Variants in GALNT13 observed in about 807,000 individuals in gnomAD.
The protein encoded by GALNT13 is UDP-GalNAc:polypeptide N-acetylgalactosaminyltransferase 13.
GALNT13 carries 28 observed loss-of-function variants against 64.2 expected under a neutral mutation model. That is an observed-to-expected ratio of 0.44 (90% confidence interval 0.32 to 0.60). The LOEUF (loss-of-function observed/expected upper bound fraction) is 0.60. Ranked by LOEUF, GALNT13 falls within the 20% of genes least tolerant of loss-of-function variation. GALNT13 has a pLI of 0.05. For missense variants in GALNT13, 577 were observed against 669.8 expected (o/e 0.86, Z 1.53); for synonymous variants, 214 against 224.6 (o/e 0.95, Z 0.42).
chr2:154,408,312 C>A (rs1212006031), intron 10 of GALNT13, among the ~76,000 whole-genome samples: 1 of 151,972 alleles, frequency 6.6e-6, no homozygotes, highest in African/African-American at 2.4e-5. Context: ...TGAATGTAAA[C>A]CAAGAACTTT....
chr2:153,107,253 A>C, the GALNT13 span, among the ~76,000 whole-genome samples: 1 of 152,130 alleles, frequency 6.6e-6, no homozygotes, highest in Non-Finnish European at 1.5e-5. Context: ...GGGCTAAGAC[A>C]ATGTCCAGTT....
intron 8 of GALNT13, among the ~76,000 whole-genome samples, chr2:154,276,958 C>T (rs969313007): frequency 7.9e-5 from 12 of 152,176 alleles, no homozygotes; most frequent in African/African-American, 2.4e-4. Flanking sequence ...CCATGCTGAA[C>T]TGTGAGTCAA....
intron 9 of GALNT13, among the ~76,000 whole-genome samples, chr2:154,328,776 A>C (rs1695012018): frequency 6.6e-6 from 1 of 152,070 alleles, no homozygotes; most frequent in Admixed American, 6.6e-5. Context: ...TTGCTCCAAC[A>C]TTTTCTCCCA....
At chr2:154,066,053 A>C (rs1483881583) in intron 3 of GALNT13, among the ~76,000 whole-genome samples, 1 of 152,226 alleles carries the variant, frequency 6.6e-6, no homozygotes, top group East Asian at 1.9e-4. Flanking sequence ...AGAATCAAGT[A>C]TAAAATCTGG....
At chr2:153,792,460 T>A in the GALNT13 span, among the ~76,000 whole-genome samples, 1 of 152,220 alleles carries the variant, frequency 6.6e-6, no homozygotes, top group African/African-American at 2.4e-5. Context: ...TGAGCATTTA[T>A]AGATTTTGGT....
At chr2:154,378,416 T>C (rs904450578) in intron 9 of GALNT13, among the ~76,000 whole-genome samples, 2 of 152,126 alleles carry the variant, frequency 1.3e-5, no homozygotes, top group African/African-American at 4.8e-5. Context: ...CCTCCTGCTA[T>C]TAGGAAACGC....
At chr2:153,442,642 T>C in the GALNT13 span, among the ~76,000 whole-genome samples, 1 of 152,216 alleles carries the variant, frequency 6.6e-6, no homozygotes, top group Admixed American at 6.5e-5. Context: ...AAGCTGTGCC[T>C]ACAGCTGCCC....
At chr2:154,397,986 T>G (rs1189332408) in intron 10 of GALNT13, among the ~76,000 whole-genome samples, 1 of 152,230 alleles carries the variant, frequency 6.6e-6, no homozygotes, top group African/African-American at 2.4e-5. Context: ...GGCACTGATC[T>G]CACAGGGATT....
chr2:153,353,077 T>G, the GALNT13 span, among the ~76,000 whole-genome samples: 1 of 152,122 alleles, frequency 6.6e-6, no homozygotes, highest in South Asian at 2.1e-4. Context: ...AGTCTTTCTA[T>G]ACATGATCCA....
At chr2:154,111,673 C>T (rs540757648) in intron 3 of GALNT13, among the ~76,000 whole-genome samples, 13 of 152,150 alleles carry the variant, frequency 8.5e-5, no homozygotes, top group Non-Finnish European at 1.9e-4. Context: ...CTTCCACTTC[C>T]ACCCCTTGAT....
At chr2:153,927,183 G>T (rs1458983298) in intron 2 of GALNT13, among the ~76,000 whole-genome samples, 2 of 151,878 alleles carry the variant, frequency 1.3e-5, no homozygotes, top group African/African-American at 4.8e-5. Context: ...TTCCAAAAAT[G>T]TTTTTACCAA....
chr2:153,946,467 T>G (rs1656359221), intron 3 of GALNT13, among the ~76,000 whole-genome samples: 1 of 152,118 alleles, frequency 6.6e-6, no homozygotes, highest in Admixed American at 6.6e-5. Flanking sequence ...AAATATAGAC[T>G]TGGTGGCTAA....
chr2:153,243,777 T>A, the GALNT13 span, among the ~76,000 whole-genome samples: 1 of 151,252 alleles, frequency 6.6e-6, no homozygotes, highest in African/African-American at 2.4e-5. Context: ...GATTATTTCA[T>A]TTTTTTTTCA....
At chr2:154,025,085 A>G (rs1457505648) in intron 3 of GALNT13, among the ~76,000 whole-genome samples, 1 of 152,128 alleles carries the variant, frequency 6.6e-6, no homozygotes, top group Non-Finnish European at 1.5e-5. Flanking sequence ...CAGCCGTGTA[A>G]GTTGTCAGTC....
At chr2:154,062,147 C>G (rs1222701357) in intron 3 of GALNT13, among the ~76,000 whole-genome samples, 1 of 152,082 alleles carries the variant, frequency 6.6e-6, no homozygotes, top group Non-Finnish European at 1.5e-5. Context: ...AGGATGGTAT[C>G]TTCAAACTCT....
the GALNT13 span, among the ~76,000 whole-genome samples, chr2:153,188,277 A>AATCT: frequency 6.6e-6 from 1 of 152,110 alleles, no homozygotes; most frequent in Non-Finnish European, 1.5e-5. Flanking sequence ...CTATTGGGTG[A>AATCT]ATCTAAATCA....
At chr2:153,676,907 A>C in the GALNT13 span, among the ~76,000 whole-genome samples, 14 of 152,070 alleles carry the variant, frequency 9.2e-5, no homozygotes, top group Non-Finnish European at 1.9e-4. Flanking sequence ...CTACGAAAAA[A>C]ACACAGCTAT....
intron 1 of GALNT13, among the ~76,000 whole-genome samples, chr2:153,888,156 C>A (rs528547408): frequency 6.6e-6 from 1 of 151,894 alleles, no homozygotes; most frequent in South Asian, 2.1e-4. Context: ...ATAACTTGTG[C>A]AAATGATAAT....
At chr2:153,269,511 A>T in the GALNT13 span, among the ~76,000 whole-genome samples, 4 of 152,196 alleles carry the variant, frequency 2.6e-5, no homozygotes, top group Non-Finnish European at 5.9e-5. Flanking sequence ...AGTCTCTAGG[A>T]AAATCCAAAC....
Sources: allele counts gnomAD v4.1 joint callset (sites outside exome capture counted in the v4.1 genomes callset), GRCh38; gene constraint gnomAD v4.1.1; transcripts MANE v1.5; gene names NCBI Gene and HGNC (gene_info 2026-07-23, HGNC 2026-07-21).